Variants in VDAC1 observed in about 807,000 individuals in gnomAD.
The protein encoded by VDAC1 is voltage dependent anion channel 1.
In VDAC1, 10 loss-of-function variants were observed where a neutral mutation model predicts 34.7. The observed-to-expected ratio is 0.29, with a 90% confidence interval of 0.18 to 0.49. The LOEUF is 0.49. VDAC1 is among the 20% of genes least tolerant of loss of function. VDAC1 has a pLI of 0.99. For missense variants in VDAC1, 230 were observed against 347.9 expected (o/e 0.66, Z 2.69); for synonymous variants, 130 against 136.0 (o/e 0.96, Z 0.30).
At chr5:133,999,717 A>T (rs1222227296) in intron 1 of VDAC1, among the ~76,000 whole-genome samples, 1 of 152,120 alleles carries the variant, frequency 6.6e-6, no homozygotes, top group East Asian at 1.9e-4. Context: ...ACCAGACCTG[A>T]CACCCCATCC....
chr5:134,074,494 C>T, the VDAC1 span, among the ~76,000 whole-genome samples: 5 of 151,980 alleles, frequency 3.3e-5, no homozygotes, highest in African/African-American at 4.8e-5. Context: ...CCCTGACTTA[C>T]CAATGCGAGA....
At chr5:133,974,099 T>C (rs1392244037) in intron 7 of VDAC1, among the ~76,000 whole-genome samples, 1 of 152,220 alleles carries the variant, frequency 6.6e-6, no homozygotes, top group East Asian at 1.9e-4. Flanking sequence ...GAAGGCCTCT[T>C]AGGGGCCAGT....
At chr5:134,019,028 G>A in the VDAC1 span, among the ~76,000 whole-genome samples, 2 of 152,082 alleles carry the variant, frequency 1.3e-5, no homozygotes, top group Admixed American at 6.6e-5. Context: ...CATGCATCTC[G>A]CATCTCCCCG....
At chr5:134,038,845 G>A in the VDAC1 span, among the ~76,000 whole-genome samples, 1 of 150,834 alleles carries the variant, frequency 6.6e-6, no homozygotes, top group African/African-American at 2.5e-5. Flanking sequence ...GCCAAGGTGT[G>A]TTTATATGTT....
At position 133,990,863 on chromosome 5, in the gene VDAC1, A is replaced by G; in HGVS notation, c.315T>C (p.Pro105=). 1 of 1,555,886 alleles carries G rather than the reference A, an allele frequency of 6.4e-7. No individual in the cohort carries two copies. The highest frequency in any genetic ancestry group is 8.7e-7 in the Non-Finnish European group (1 of 1,150,222). ...ACAGATGAAACTCTTACCCAGTGTT[A>G]GGTGAGAAGGATGAATCGAAGGTCA... is the stretch of plus-strand genomic sequence containing the variant. ...LKLTFDSSFS[P]NTGKKNAKIK... is the part of the protein sequence containing the mutation. The change falls in exon 5 of 9, where the codon CCT becomes CCC. Residue 105 remains proline, a synonymous_variant. Coordinates refer to ENST00000265333, the MANE Select transcript of VDAC1 (RefSeq NM_003374.3).
At chr5:133,976,064 T>C in intron 6 of VDAC1, 43 bp from the exon 7 acceptor site, 1 of 1,612,550 alleles carries the variant, frequency 6.2e-7, no homozygotes, top group Non-Finnish European at 8.5e-7. Context: ...CCCAGGGAGG[T>C]GAGCTGCAGC....
intron 5 of VDAC1, among the ~76,000 whole-genome samples, chr5:133,985,062 T>C (rs965168261): frequency 6.6e-6 from 1 of 152,364 alleles, no homozygotes; most frequent in East Asian, 1.9e-4. Flanking sequence ...AAAAGCTTGC[T>C]ATATAAAGAA....
intron 1 of VDAC1, among the ~76,000 whole-genome samples, chr5:134,000,093 GC>G (rs1753484530): frequency 6.6e-6 from 1 of 152,072 alleles, no homozygotes. Context: ...ACAATCAGCA[GC>G]TCGCTCACAC....
chr5:134,075,136 T>A, the VDAC1 span, among the ~76,000 whole-genome samples: 2 of 152,218 alleles, frequency 1.3e-5, no homozygotes, highest in Non-Finnish European at 2.9e-5. Context: ...CTATTCACAG[T>A]ACTGGCCACA....
Position 133,980,727 on chromosome 5 carries a change from A to C in VDAC1, c.551+2T>G. The C allele has an allele frequency of 1.9e-6, 3 of 1,542,040 alleles. No homozygotes were observed. Among genetic ancestry groups the C allele is most frequent in the Non-Finnish European group, 2.6e-6 (3 of 1,144,250 alleles). On this transcript the variant is annotated splice_donor_variant, in intron 6 of 8. Transcript: ENST00000265333. LOFTEE classifies it high-confidence loss of function. ...CACCCTGCTGCCCCCATGTACACTT[A>C]CACATTAGTGTGAAGCTGGAATTCA...
the VDAC1 span, among the ~76,000 whole-genome samples, chr5:134,061,950 G>A: frequency 6.6e-6 from 1 of 151,646 alleles, no homozygotes; most frequent in Admixed American, 6.6e-5. Context: ...TTCAATTCTG[G>A]ATTGGTCAAG....
the VDAC1 span, among the ~76,000 whole-genome samples, chr5:134,105,517 C>A: frequency 6.6e-6 from 1 of 152,232 alleles, no homozygotes; most frequent in African/African-American, 2.4e-5. Context: ...GGTGTTCTCG[C>A]TACATGAGTG....
At chr5:134,041,896 T>A in the VDAC1 span, among the ~76,000 whole-genome samples, 1 of 152,170 alleles carries the variant, frequency 6.6e-6, no homozygotes, top group Non-Finnish European at 1.5e-5. Flanking sequence ...CTGGCCACCC[T>A]CGAAGCTCCT....
chr5:133,992,093 G>A (rs1224289861), intron 3 of VDAC1, among the ~76,000 whole-genome samples: 1 of 151,996 alleles, frequency 6.6e-6, no homozygotes, highest in African/African-American at 2.4e-5. Context: ...AAAATTAGCC[G>A]AGCATGGTGG....
chr5:134,002,849 C>T (rs1270957962), intron 1 of VDAC1, among the ~76,000 whole-genome samples: 2 of 152,014 alleles, frequency 1.3e-5, no homozygotes, highest in Non-Finnish European at 2.9e-5. Context: ...CCTGGGATCC[C>T]AGATACTCTG....
the VDAC1 span, among the ~76,000 whole-genome samples, chr5:134,091,548 GA>G: frequency 6.6e-6 from 1 of 152,156 alleles, no homozygotes; most frequent in Admixed American, 6.6e-5. Flanking sequence ...GGGCCACAAT[GA>G]GCAAGAAAAG....
chr5:133,986,058 G>A (rs1028263311), intron 5 of VDAC1, among the ~76,000 whole-genome samples: 1 of 152,230 alleles, frequency 6.6e-6, no homozygotes, highest in Non-Finnish European at 1.5e-5. Context: ...CACCATGTCT[G>A]TGGAGTCTTC....
At chr5:134,039,572 G>C in the VDAC1 span, among the ~76,000 whole-genome samples, 1 of 152,036 alleles carries the variant, frequency 6.6e-6, no homozygotes, top group Non-Finnish European at 1.5e-5. Context: ...CTCGTGATCC[G>C]CCCGCCTTGG....
intron 5 of VDAC1, among the ~76,000 whole-genome samples, chr5:133,987,480 C>A (rs776867385): frequency 1.3e-5 from 2 of 152,152 alleles, no homozygotes; most frequent in Non-Finnish European, 2.9e-5. Context: ...AAGTTCTAGA[C>A]CAGCCTGGCC....
Sources: gnomAD v4.1 joint callset for allele counts (sites outside exome capture counted in the v4.1 genomes callset) on GRCh38, gnomAD v4.1.1 for gene constraint, MANE v1.5 for transcripts, NCBI Gene and HGNC (gene_info 2026-07-23, HGNC 2026-07-21) for gene names.